The following GRAMD4 variants were observed in gnomAD, a reference collection of about 807,000 sequenced individuals.
GRAMD4 encodes GRAM domain-containing protein 4.
A neutral mutation model predicts 83.9 loss-of-function variants in GRAMD4; 25 were observed. That is an observed-to-expected ratio of 0.30 (90% CI 0.22 to 0.42). The LOEUF (loss-of-function observed/expected upper bound fraction) is 0.42, where lower values mean the gene tolerates loss of function less well. Among genes scored for constraint, GRAMD4 ranks in the 10% least tolerant of loss-of-function variants. The pLI is 1.00. For synonymous variants in GRAMD4, 336 were observed against 320.9 expected (o/e 1.05, Z -0.50); for missense variants, 593 against 788.7 (o/e 0.75, Z 2.97).
chr22:46,653,189 C>T (rs9615397), intron 3 of GRAMD4, among the ~76,000 whole-genome samples: 34,560 of 152,262 alleles, frequency 0.23, 4,470 homozygotes, highest in East Asian at 0.38. Flanking sequence ...TGATTTGCCA[C>T]GCTGTCCGAG....
chr22:46,603,213 T>G (rs1307816800), intron 1 of GRAMD4, among the ~76,000 whole-genome samples: 4 of 139,944 alleles, frequency 2.9e-5, no homozygotes, highest in Non-Finnish European at 4.6e-5. Context: ...TTTTTTTTTT[T>G]TTTTTTTTTT....
At chr22:46,661,506 G>A (rs112456600) in intron 5 of GRAMD4, 64 bp downstream of exon 5, 2 of 1,131,866 alleles carry the variant, frequency 1.8e-6, no homozygotes, top group African/African-American at 1.5e-5. Flanking sequence ...TCACCTGCTG[G>A]TTCTGTAGGC....
chr22:46,632,326 C>A (rs994043169), intron 2 of GRAMD4, among the ~76,000 whole-genome samples: 1 of 152,164 alleles, frequency 6.6e-6, no homozygotes, highest in African/African-American at 2.4e-5. Context: ...GGGTGACCCC[C>A]GACCAGGAGG....
At chr22:46,614,724 GCAGGTAGTAAA>G (rs1296013851) in intron 1 of GRAMD4, among the ~76,000 whole-genome samples, 1 of 152,214 alleles carries the variant, frequency 6.6e-6, no homozygotes, top group African/African-American at 2.4e-5. Context: ...GATACGTGCC[GCAGGTAGTAAA>G]CATAGGACAT....
intron 3 of GRAMD4, among the ~76,000 whole-genome samples, chr22:46,649,025 G>T (rs1260356804): frequency 6.6e-6 from 1 of 152,096 alleles, no homozygotes; most frequent in African/African-American, 2.4e-5. Flanking sequence ...CCTCCACCAG[G>T]CATACTCTTT....
Position 46,677,561 on chromosome 22 carries a change from C to T in GRAMD4, c.*310C>T. ...AGACACACAGGACCCCTGGCCCTGC[C>T]CTTCTCCGTTCCAGCCTGGACAGAG... On this transcript the variant is annotated 3_prime_UTR_variant, in exon 19 of 19. Transcript: ENST00000406902. 8.8e-7 allele frequency: 1 copy of T among 1,134,792 alleles called. No individual in the cohort carries two copies. The highest frequency in any genetic ancestry group is 1.1e-6 in the Non-Finnish European group (1 of 920,686). 70.3% of individuals were successfully genotyped at this position (1,134,792 alleles called of 1,614,324 possible). A position where few individuals can be genotyped will look rare whatever the true frequency, so the allele number is the denominator to read the frequency against.
chr22:46,655,596 C>T (rs748422255), intron 3 of GRAMD4, among the ~76,000 whole-genome samples: 58 of 152,142 alleles, frequency 3.8e-4, no homozygotes, highest in Non-Finnish European at 7.8e-4. Context: ...AGGAGCCAGC[C>T]GGCCGCCCAG....
chr22:46,658,773 C>CT (rs2082283217), intron 4 of GRAMD4, among the ~76,000 whole-genome samples: 3 of 151,640 alleles, frequency 2.0e-5, no homozygotes, highest in African/African-American at 7.3e-5. Context: ...TGTTCCCATG[C>CT]CCCCTGTCTG....
rs192534639 is a variant in GRAMD4, at chr22:46,672,907, C to T, written c.1149C>T (p.Arg383=). 2.5e-5 allele frequency: 41 copies of T among 1,611,926 alleles called. No homozygotes were observed. Among genetic ancestry groups the T allele is most frequent in the East Asian group, 2.0e-4 (9 of 44,872 alleles). The stretch of plus-strand genomic sequence containing the variant: ...TCTTTAAACGCTGCCCGAGGCTGCG[C>T]GCCAAGTACGACACGCCCTATATCA... The part of the protein sequence containing the change: ...DFIFKRCPRL[R]AKYDTPYIIW... The change falls in exon 14 of 19, where the codon CGC becomes CGT. Residue 383 remains arginine (R), a synonymous_variant. Coordinates refer to ENST00000406902, the MANE Select transcript of GRAMD4 (RefSeq NM_015124.5). This position sits in a 1 kb window ranked among gnomAD's most constrained non-coding sequence, Gnocchi z 4.7.
chr22:46,680,579 C>CATCA (rs2082657143), downstream of GRAMD4, among the ~76,000 whole-genome samples: 3 of 147,574 alleles, frequency 2.0e-5, no homozygotes, highest in Non-Finnish European at 4.5e-5. Context: ...TCCATCCATC[C>CATCA]ATCCATCCAT....
upstream of GRAMD4, among the ~76,000 whole-genome samples, chr22:46,615,615 CGTGT>C (rs2081473823): frequency 1.3e-5 from 1 of 74,568 alleles, no homozygotes; most frequent in East Asian, 4.6e-4. Context: ...GTTCCCCGTG[CGTGT>C]AGGTTCCCCC....
At position 46,665,490 on chromosome 22, in the gene GRAMD4, G is replaced by A. The variant is rs2082394083; in HGVS notation, c.718-125G>A. On this transcript the variant is annotated intron_variant, in intron 8 of 18. Transcript: ENST00000406902. ...ATCAGACGCACCCTCATCCCTGAGT[G>A]TCTGGAGAGCCAGCGGGTGGCCTGG... The A allele has an allele frequency of 2.6e-5, 16 of 616,594 alleles. No homozygotes were observed. The South Asian group carries it at 2.9e-4, about 11-fold the overall frequency. The allele number at this position is 616,594 out of a possible 1,614,324, so 38.2% of individuals were successfully genotyped here. A position where few individuals can be genotyped will look rare whatever the true frequency, so the allele number is the denominator to read the frequency against.
Position 46,665,536 on chromosome 22 carries a change from G to T in GRAMD4, c.718-79G>T, listed in dbSNP as rs1459537796. 2.5e-5 allele frequency: 19 copies of T among 772,522 alleles called. No homozygotes were observed. In the East Asian group the frequency reaches 4.8e-4, roughly 19 times the overall value. 47.9% of individuals were successfully genotyped at this position (772,522 alleles called of 1,614,324 possible). A position where few individuals can be genotyped will look rare whatever the true frequency, so the allele number is the denominator to read the frequency against. ...CCTGGTCTCCCCACTGGGGCCGCCT[G>T]GTGGGGGGAGGCGGGAGGGATGTGC... is the stretch of plus-strand genomic sequence containing the variant. On this transcript the variant is annotated intron_variant, in intron 8 of 18. Coordinates refer to ENST00000406902, the MANE Select transcript of GRAMD4 (RefSeq NM_015124.5).
At chr22:46,644,896 CCTTTTTTTTTTT>C (rs2082051186) in intron 3 of GRAMD4, among the ~76,000 whole-genome samples, 1 of 77,518 alleles carries the variant, frequency 1.3e-5, no homozygotes, top group African/African-American at 4.4e-5. Flanking sequence ...CTGCACATGG[CCTTTTTTTTTTT>C]TTTTTTTTTT....
chr22:46,676,682 G>A lies in GRAMD4; in HGVS notation c.1632+14G>A, dbSNP rs201448903. 12 of 1,546,322 alleles carry A rather than the reference G, an allele frequency of 7.8e-6. No homozygotes were observed. Among genetic ancestry groups the A allele is most frequent in the Non-Finnish European group, 9.6e-6 (11 of 1,146,228 alleles). ...TCCACCCAGAAAGTAGGTGCCGGGC[G>A]GGGGGCCGCCAAGGGGTTGGTGTGG... On this transcript the variant is annotated intron_variant, in intron 18 of 18. Coordinates refer to ENST00000406902, the MANE Select transcript of GRAMD4 (RefSeq NM_015124.5).
intron 1 of GRAMD4, among the ~76,000 whole-genome samples, chr22:46,625,741 C>T (rs541481985): frequency 3.3e-5 from 5 of 152,234 alleles, no homozygotes; most frequent in Non-Finnish European, 4.4e-5. Flanking sequence ...TGGCCTCTCC[C>T]TGCCTGGCTG....
intron 1 of GRAMD4, among the ~76,000 whole-genome samples, chr22:46,591,873 C>T (rs1256251541): frequency 1.4e-5 from 2 of 147,050 alleles, no homozygotes; most frequent in African/African-American, 2.5e-5. Context: ...CCAACCCCCG[C>T]ACCCCTCAGC....
rs777801143 is a variant in GRAMD4, at chr22:46,668,628, G to T, written c.931-61G>T. 2.5e-5 allele frequency: 38 copies of T among 1,495,914 alleles called. No individual in the cohort carries two copies. The Admixed American group carries it at 4.3e-4, about 17-fold the overall frequency. 92.7% of individuals were successfully genotyped at this position (1,495,914 alleles called of 1,614,324 possible). ...CCGACCTGGAGGCCCTCCTGGCGTC[G>T]CGGTGTGACTGACAGCCCAGGAGCG... On this transcript the variant is annotated intron_variant, in intron 11 of 18. Transcript: ENST00000406902.
At position 46,621,511 on chromosome 22, in the gene GRAMD4, C is replaced by T. The variant is rs1049254116; in HGVS notation, c.-50+946C>T. Among the ~76,000 whole-genome samples, 1 of 132,858 alleles carries T rather than the reference C, an allele frequency of 7.5e-6. No individual in the cohort carries two copies. Among genetic ancestry groups the T allele is most frequent in the Non-Finnish European group, 1.6e-5 (1 of 62,202 alleles). The allele number at this position is 132,858 out of a possible 152,430, so 87.2% of individuals were successfully genotyped here. ...CCCGGGCCCATCCCTGGCGGTGTGT[C>T]GCGGAGGGCACCCCTACCCCGGTGC... On this transcript the variant is annotated intron_variant, in intron 1 of 18. Transcript: ENST00000406902. The surrounding 1 kb of genome is among the most constrained non-coding windows in gnomAD (Gnocchi z 5.8).
Sources: allele counts gnomAD v4.1 joint callset (sites outside exome capture counted in the v4.1 genomes callset), GRCh38; gene constraint gnomAD v4.1.1; non-coding constraint Gnocchi (gnomAD v3.1); transcripts MANE v1.5; gene names NCBI Gene and HGNC (gene_info 2026-07-23, HGNC 2026-07-21).